Variants in CHN2 observed in about 807,000 individuals in gnomAD.
CHN2 encodes chimerin 2.
Under a neutral mutation model 56.3 loss-of-function variants are expected in CHN2, and 35 were observed. The ratio of observed to expected loss-of-function variants is 0.62; its 90% confidence interval spans 0.47 to 0.82. CHN2 has a LOEUF of 0.82. Among genes scored for constraint, CHN2 ranks in the 40% least tolerant of loss-of-function variants. The probability of loss-of-function intolerance (pLI) is 0.00; values close to 1 mark genes in which losing one functional copy is unlikely to be tolerated. For missense variants in CHN2, 491 were observed against 580.5 expected (o/e 0.85, Z 1.58); for synonymous variants, 210 against 212.8 (o/e 0.99, Z 0.12).
intron 1 of CHN2, among the ~76,000 whole-genome samples, chr7:29,220,343 A>G: frequency 6.6e-6 from 1 of 151,914 alleles, no homozygotes; most frequent in East Asian, 1.9e-4. Flanking sequence ...GAAACGATAT[A>G]TAATATTTGA....
intron 6 of CHN2, among the ~76,000 whole-genome samples, chr7:29,404,630 T>G (rs1461712516): frequency 1.3e-5 from 2 of 152,188 alleles, no homozygotes; most frequent in Non-Finnish European, 2.9e-5. Flanking sequence ...TTGGAATCGT[T>G]ATATGGAAAA....
rs914910077 is a variant in CHN2 at position 29,507,323 on chromosome 7, G to A, written c.1087G>A (p.Val363Ile). 1.9e-6 allele frequency: 3 copies of A among 1,612,718 alleles called. No homozygotes were observed. Among genetic ancestry groups the A allele is most frequent in the African/African-American group, 2.7e-5 (2 of 74,838 alleles). ...GTATTTCAGAGACTTACCCATCCCT[G>A]TCATCACATATGATACCTATTCCAA... ...KLYFRDLPIP[V>I]ITYDTYSKFI... The change falls in exon 11 of 13, where the codon GTC (valine) becomes ATC (isoleucine). Residue 363 changes from valine (V) to isoleucine (I), a missense_variant. Coordinates refer to ENST00000222792, the MANE Select transcript of CHN2 (RefSeq NM_004067.4).
intron 2 of CHN2, among the ~76,000 whole-genome samples, chr7:29,157,900 C>T (rs1229487858): frequency 6.6e-6 from 1 of 152,300 alleles, no homozygotes; most frequent in Non-Finnish European, 1.5e-5. Context: ...AATGCTCCGG[C>T]AGTCCTTTCA....
Position 29,325,248 on chromosome 7 carries a change from G to A in CHN2, c.50-29377G>A, listed in dbSNP as rs148526073. Among the ~76,000 whole-genome samples the A allele has an allele frequency of 8.4e-4, 128 of 152,304 alleles. 1 individual carries two copies. Among genetic ancestry groups the A allele is most frequent in the Non-Finnish European group, 1.4e-3 (92 of 68,034 alleles). ...CTTCCTCAACAGACTCTCCCAGCGG[G>A]TTGGCCATGTCATTTGATTTTCCTC... On this transcript the variant is annotated intron_variant, in intron 1 of 12. Coordinates refer to ENST00000222792, the MANE Select transcript of CHN2 (RefSeq NM_004067.4).
chr7:29,362,676 A>G (rs948489269), intron 2 of CHN2, among the ~76,000 whole-genome samples: 2 of 151,892 alleles, frequency 1.3e-5, no homozygotes, highest in African/African-American at 2.4e-5. Context: ...TCTTTCCTCT[A>G]TCTGTAACTC....
upstream of CHN2, chr7:29,194,554 T>TGGCGG (rs1172703009): frequency 5.2e-6 from 1 of 193,000 alleles, no homozygotes; most frequent in Non-Finnish European, 1.0e-5. Flanking sequence ...GTGCGGGAGC[T>TGGCGG]GGCGGGGCGG....
rs747086829 is a variant in CHN2 at position 29,400,635 on chromosome 7, C to T, written c.383C>T (p.Thr128Ile). 1 of 1,614,138 alleles carries T rather than the reference C, an allele frequency of 6.2e-7. No homozygotes were observed. Among genetic ancestry groups the T allele is most frequent in the South Asian group, 1.1e-5 (1 of 91,074 alleles). Residue 128 changes from threonine to isoleucine, a missense_variant, in exon 6 of 13, where the codon ACA becomes ATA. Coordinates refer to ENST00000222792, the MANE Select transcript of CHN2 (RefSeq NM_004067.4). ...TTTGAGTCGATTCATGATCTGGTGACAGATGGCTTGATAACACTGTACATA... is the reference window on the plus strand; with the variant it reads ...TTTGAGTCGATTCATGATCTGGTGATAGATGGCTTGATAACACTGTACATA... ...KRFESIHDLV[T>I]DGLITLYIET...
At chr7:29,318,445 C>T (rs1188374047) in intron 1 of CHN2, among the ~76,000 whole-genome samples, 1 of 152,128 alleles carries the variant, frequency 6.6e-6, no homozygotes, top group Non-Finnish European at 1.5e-5. Context: ...CCAGAGGGTT[C>T]TAGAGAGGTC....
At chr7:29,490,916 C>A (rs946336733) in intron 7 of CHN2, among the ~76,000 whole-genome samples, 1 of 152,072 alleles carries the variant, frequency 6.6e-6, no homozygotes, top group South Asian at 2.1e-4. Context: ...GATATGAGAT[C>A]CCTTTCGTAT....
At position 29,212,578 on chromosome 7, in the gene CHN2, C is replaced by G. The variant is rs938166323; in HGVS notation, c.49+17588C>G. 12 of 1,431,330 alleles carry G rather than the reference C, an allele frequency of 8.4e-6. No individual in the cohort carries two copies. The African/African-American group carries it at 1.7e-4, about 20-fold the overall frequency. The allele number at this position is 1,431,330 out of a possible 1,614,324, so 88.7% of individuals were successfully genotyped here. ...CAAAAAAGGGAGACGAGGTCCCAGT[C>G]AAGAAACAGAAGACCAGAACTGTGT... On this transcript the variant is annotated intron_variant, in intron 1 of 12. Transcript: ENST00000222792.
intron 1 of CHN2, among the ~76,000 whole-genome samples, chr7:29,239,357 T>C (rs894087595): frequency 2.6e-5 from 4 of 152,100 alleles, no homozygotes; most frequent in Non-Finnish European, 5.9e-5. Context: ...GGAAAAGATG[T>C]TAGGAGAAGC....
At chr7:29,439,776 A>G (rs1371507062) in intron 6 of CHN2, among the ~76,000 whole-genome samples, 2 of 152,208 alleles carry the variant, frequency 1.3e-5, no homozygotes, top group African/African-American at 2.4e-5. Flanking sequence ...TATAATGTAA[A>G]ACAACCACTG....
At chr7:29,178,532 C>A (rs1797654972) in intron 2 of CHN2, among the ~76,000 whole-genome samples, 1 of 152,154 alleles carries the variant, frequency 6.6e-6, no homozygotes, top group Admixed American at 6.5e-5. Flanking sequence ...ATGTCACATC[C>A]TCCGAGAGAC....
intron 6 of CHN2, among the ~76,000 whole-genome samples, chr7:29,415,593 G>T (rs1318794984): frequency 6.6e-6 from 1 of 152,212 alleles, no homozygotes; most frequent in Non-Finnish European, 1.5e-5. Context: ...GTTGGTGGAG[G>T]GGAAGGCTGC....
At chr7:29,366,445 C>T (rs1395084027) in intron 2 of CHN2, among the ~76,000 whole-genome samples, 1 of 152,104 alleles carries the variant, frequency 6.6e-6, no homozygotes, top group Non-Finnish European at 1.5e-5. Context: ...CCATGGAAGC[C>T]AATGGAAAGA....
At chr7:29,317,789 G>A (rs2128891909) in intron 1 of CHN2, among the ~76,000 whole-genome samples, 1 of 152,242 alleles carries the variant, frequency 6.6e-6, no homozygotes, top group South Asian at 2.1e-4. Flanking sequence ...AGGAATTCGA[G>A]GCCAGTCTGG....
At chr7:29,291,223 T>C (rs1441115825) in intron 1 of CHN2, among the ~76,000 whole-genome samples, 1 of 152,154 alleles carries the variant, frequency 6.6e-6, no homozygotes, top group Non-Finnish European at 1.5e-5. Flanking sequence ...TCACCCAACT[T>C]CTAAGATCTT....
At chr7:29,376,268 CAG>C (rs1800072631) in intron 3 of CHN2, 1 of 152,214 alleles carries the variant, frequency 6.6e-6, no homozygotes. Flanking sequence ...GCACCGGCTT[CAG>C]AGTTTTATGG....
chr7:29,163,602 T>G (rs1351510255), intron 2 of CHN2, among the ~76,000 whole-genome samples: 1 of 152,080 alleles, frequency 6.6e-6, no homozygotes, highest in Non-Finnish European at 1.5e-5. Flanking sequence ...AAATATAAAG[T>G]ATACAATTTG....
Sources: allele counts gnomAD v4.1 joint callset (sites outside exome capture counted in the v4.1 genomes callset), GRCh38; gene constraint gnomAD v4.1.1; transcripts MANE v1.5; gene names NCBI Gene and HGNC (gene_info 2026-07-23, HGNC 2026-07-21).